The following KLHL26 variants were observed in gnomAD, a reference collection of about 807,000 sequenced individuals.
KLHL26 encodes kelch like family member 26, also known as kelch-like protein 26.
KLHL26 carries 4 observed loss-of-function variants against 7.1 expected under a neutral mutation model. The observed-to-expected ratio is 0.56, with a 90% confidence interval of 0.28 to 1.28. The LOEUF is 1.28. KLHL26 is among the 50% of genes most tolerant of loss of function. The probability of loss-of-function intolerance (pLI) is 0.11; values close to 1 mark genes in which losing one functional copy is unlikely to be tolerated. For missense variants in KLHL26, 896 were observed against 924.6 expected (o/e 0.97, Z 0.40); for synonymous variants, 465 against 414.1 (o/e 1.12, Z -1.49).
At position 18,668,992 on chromosome 19, in the gene KLHL26, A is replaced by G. The variant is rs1389497026; in HGVS notation, c.1595A>G (p.Tyr532Cys). 5.6e-6 allele frequency: 9 copies of G among 1,612,468 alleles called. No homozygotes were observed. Among genetic ancestry groups the G allele is most frequent in the African/African-American group, 1.3e-5 (1 of 74,912 alleles). The change falls in exon 3 of 3, where the codon TAT becomes TGT. Residue 532 changes from tyrosine to cysteine, a missense_variant. Physicochemically the swap from Tyr to Cys is radical, Grantham distance 194. Transcript: ENST00000300976. Reference sequence around the variant, plus strand: ...TTCGACGTGCTGGCTGTGGAGTACTATGTGCCGGAGACGGACCAGTGGACC... The same window carrying G: ...TTCGACGTGCTGGCTGTGGAGTACTGTGTGCCGGAGACGGACCAGTGGACC... Reference protein sequence around the residue: ...RCFDVLAVEYYVPETDQWTSV... With the variant: ...RCFDVLAVEYCVPETDQWTSV...
chr19:18,647,612 AAG>A (rs990002220), intron 1 of KLHL26, among the ~76,000 whole-genome samples: 1 of 150,694 alleles, frequency 6.6e-6, no homozygotes, highest in Non-Finnish European at 1.5e-5. Context: ...GGAGGAGAAA[AAG>A]AGGAGGAAGA....
intron 1 of KLHL26, among the ~76,000 whole-genome samples, chr19:18,637,539 G>A (rs1404461920): frequency 6.6e-6 from 1 of 152,108 alleles, no homozygotes; most frequent in Admixed American, 6.5e-5. Flanking sequence ...CTCTGAGGAA[G>A]GGGCTAAGGC....
chr19:18,639,830 C>T (rs1187089124), intron 1 of KLHL26, among the ~76,000 whole-genome samples: 1 of 152,076 alleles, frequency 6.6e-6, no homozygotes, highest in Non-Finnish European at 1.5e-5. Flanking sequence ...AACCCTGCTC[C>T]ACCAACATAC....
rs756317850 is a variant in KLHL26 at position 18,668,433 on chromosome 19, G to A, written c.1036G>A (p.Glu346Lys). ...AGCCCGCCACTTCCGCGAGCTCACG[G>A]AGATGGAGGTAGGCTGCAGCCACAC... is the stretch of plus-strand genomic sequence containing the variant. ...PGARHFRELT[E>K]MEVGCSHTCV... Residue 346 changes from glutamate to lysine, a missense_variant, in exon 3 of 3, where the codon GAG becomes AAG. Physicochemically the swap from Glu to Lys is moderately conservative, Grantham distance 56 (BLOSUM62 1). Coordinates refer to ENST00000300976, the MANE Select transcript of KLHL26 (RefSeq NM_018316.3). The A allele has an allele frequency of 5.0e-6, 8 of 1,611,378 alleles. No homozygotes were observed. Among genetic ancestry groups the A allele is most frequent in the Non-Finnish European group, 6.8e-6 (8 of 1,179,762 alleles).
At chr19:18,638,977 A>G (rs978936770) in intron 1 of KLHL26, among the ~76,000 whole-genome samples, 1 of 152,188 alleles carries the variant, frequency 6.6e-6, no homozygotes, top group Non-Finnish European at 1.5e-5. Flanking sequence ...CTGAGATTAC[A>G]GATGTGAGCC....
rs1476750424 is a variant in KLHL26, at chr19:18,670,690, C to T, written c.*1445C>T. The stretch of plus-strand genomic sequence containing the variant: ...AGGAAGCGTGGCCAGGACTTTCACC[C>T]TGGCGTTTTTTGTTGTTGGTTTTTT... On this transcript the variant is annotated 3_prime_UTR_variant, in exon 3 of 3. Coordinates refer to ENST00000300976, the MANE Select transcript of KLHL26 (RefSeq NM_018316.3). 1 of 152,240 alleles carries T rather than the reference C, an allele frequency of 6.6e-6. No homozygotes were observed. Among genetic ancestry groups the T allele is most frequent in the African/African-American group, 2.4e-5 (1 of 41,414 alleles). The allele number at this position is 152,240 out of a possible 1,614,324, so 9.4% of individuals were successfully genotyped here. A position where few individuals can be genotyped will look rare whatever the true frequency, so the allele number is the denominator to read the frequency against.
At chr19:18,659,008 TCTCTGCGTCCCTGTTCCC>T (rs1486733751) in intron 1 of KLHL26, among the ~76,000 whole-genome samples, 1 of 152,052 alleles carries the variant, frequency 6.6e-6, no homozygotes, top group African/African-American at 2.4e-5. Context: ...TGTCTACCTT[TCTCTGCGTCCCTGTTCCC>T]CTCTGGGTCT....
intron 1 of KLHL26, among the ~76,000 whole-genome samples, chr19:18,658,165 A>T (rs1424465793): frequency 1.3e-5 from 2 of 151,960 alleles, no homozygotes; most frequent in Non-Finnish European, 2.9e-5. Context: ...CATCTTGGAG[A>T]GGGATACTGA....
Position 18,646,348 on chromosome 19 carries a change from C to G in KLHL26, c.83+9211C>G, listed in dbSNP as rs1976800844. On this transcript the variant is annotated intron_variant, in intron 1 of 2. Coordinates refer to ENST00000300976, the MANE Select transcript of KLHL26 (RefSeq NM_018316.3). The surrounding 1 kb of genome is among the most constrained non-coding windows in gnomAD (Gnocchi z 5.0). ...TGTTGGCCAGGCTGGTCTCGAACTCCTGACCTCAGGTGATCCACCTGCCTT... is the reference window on the plus strand; with the variant it reads ...TGTTGGCCAGGCTGGTCTCGAACTCGTGACCTCAGGTGATCCACCTGCCTT... Among the ~76,000 whole-genome samples, 1 of 152,140 alleles carries G rather than the reference C, an allele frequency of 6.6e-6. No homozygotes were observed. Among genetic ancestry groups the G allele is most frequent in the African/African-American group, 2.4e-5 (1 of 41,444 alleles).
At chr19:18,643,167 G>A (rs969123447) in intron 1 of KLHL26, among the ~76,000 whole-genome samples, 14 of 151,886 alleles carry the variant, frequency 9.2e-5, no homozygotes, top group Non-Finnish European at 1.6e-4. Context: ...GTTTTGGGCC[G>A]GGCGCGGTGG....
At position 18,670,484 on chromosome 19, in the gene KLHL26, G is replaced by A. The variant is rs979121956; in HGVS notation, c.*1239G>A. ...ATATTTCCCTTTATTTAATAAAAAT[G>A]TTATGGTGAAGAGATGGAGCCGGCC... is the stretch of plus-strand genomic sequence containing the variant. On this transcript the variant is annotated 3_prime_UTR_variant, in exon 3 of 3. Coordinates refer to ENST00000300976, the MANE Select transcript of KLHL26 (RefSeq NM_018316.3). 4 of 152,280 alleles carry A rather than the reference G, an allele frequency of 2.6e-5. No homozygotes were observed. The highest frequency in any genetic ancestry group is 7.2e-5 in the African/African-American group (3 of 41,552). 9.4% of individuals were successfully genotyped at this position (152,280 alleles called of 1,614,324 possible).
rs1230393150 is a variant in KLHL26, at chr19:18,656,561, G to A, written c.84-7700G>A. 6.6e-6 allele frequency among the ~76,000 whole-genome samples: 1 copy of A among 152,174 alleles called. No homozygotes were observed. Among genetic ancestry groups the A allele is most frequent in the Non-Finnish European group, 1.5e-5 (1 of 68,034 alleles). On this transcript the variant is annotated intron_variant, in intron 1 of 2. Coordinates refer to ENST00000300976, the MANE Select transcript of KLHL26 (RefSeq NM_018316.3). This position sits in a 1 kb window ranked among gnomAD's most constrained non-coding sequence, Gnocchi z 4.4. ...CTGAAGCCAAGGACAGACAGGCAGG[G>A]AATGGCTCCAGATCAGGAGGCTGGG...
intron 1 of KLHL26, among the ~76,000 whole-genome samples, chr19:18,653,900 C>A (rs2052294069): frequency 1.1e-5 from 1 of 93,042 alleles, no homozygotes; most frequent in Non-Finnish European, 2.1e-5. Context: ...ATCAGTCCAC[C>A]CTTCCATCCA....
intron 1 of KLHL26, among the ~76,000 whole-genome samples, chr19:18,642,381 GTT>G (rs1491208702): frequency 5.2e-4 from 78 of 150,118 alleles, no homozygotes; most frequent in African/African-American, 1.8e-3. Flanking sequence ...GTGTGTGTGT[GTT>G]TGAGATGGAG....
rs1054279419 is a variant in KLHL26, at chr19:18,656,811, G to A, written c.84-7450G>A. On this transcript the variant is annotated intron_variant, in intron 1 of 2. Transcript: ENST00000300976. This position sits in a 1 kb window ranked among gnomAD's most constrained non-coding sequence, Gnocchi z 4.4. ...CACGCCTGCCCTCCCAGCACAGGGC[G>A]GGAGTGGCGGGTTCCTGTTTGAAAT... 4.6e-5 allele frequency among the ~76,000 whole-genome samples: 7 copies of A among 152,228 alleles called. No homozygotes were observed. Among genetic ancestry groups the A allele is most frequent in the East Asian group, 1.9e-4 (1 of 5,180 alleles).
At chr19:18,665,544 T>C (rs1345874696) in intron 2 of KLHL26, among the ~76,000 whole-genome samples, 1 of 152,278 alleles carries the variant, frequency 6.6e-6, no homozygotes, top group East Asian at 1.9e-4. Flanking sequence ...GCCAACACCA[T>C]GTCCTGGGCT....
Position 18,668,052 on chromosome 19 carries a change from C to G in KLHL26, c.655C>G (p.Gln219Glu). ...LVFFLQSNRL[Q>E]SCAEIDLFRA... is the part of the protein sequence containing the mutation. ...CTTCTTCCTGCAGAGCAACCGGCTG[C>G]AGAGCTGTGCCGAGATCGACCTGTT... is the stretch of plus-strand genomic sequence containing the variant. Residue 219 changes from glutamine to glutamate, a missense_variant, in exon 3 of 3, where the codon CAG becomes GAG. Physicochemically the swap from Gln to Glu is conservative, Grantham distance 29 (BLOSUM62 2). Transcript: ENST00000300976. 1 of 1,607,880 alleles carries G rather than the reference C, an allele frequency of 6.2e-7. No individual in the cohort carries two copies. Among genetic ancestry groups the G allele is most frequent in the Non-Finnish European group, 8.5e-7 (1 of 1,179,950 alleles).
At position 18,650,115 on chromosome 19, in the gene KLHL26, C is replaced by CCGAGGAT. The variant is rs1162152394; in HGVS notation, c.83+12984_83+12990dup. Among the ~76,000 whole-genome samples the CCGAGGAT allele has an allele frequency of 2.2e-4, 33 of 152,138 alleles. No individual in the cohort carries two copies. Among genetic ancestry groups the CCGAGGAT allele is most frequent in the African/African-American group, 7.7e-4 (32 of 41,418 alleles). On this transcript the variant is annotated intron_variant, in intron 1 of 2. Transcript: ENST00000300976. The surrounding 1 kb of genome is among the most constrained non-coding windows in gnomAD (Gnocchi z 4.2). ...TTGTAAAGGCCTGGAGGGGGGTCAC[C>CCGAGGAT]CGAGGATCGAGGCCGAAGATGTTTA...
Position 18,668,191 on chromosome 19 carries a change from T to C in KLHL26, c.794T>C (p.Val265Ala), listed in dbSNP as rs2052475870. ...LMQSSELVDS[V>A]QTLDIMVEDV... ...CAGTCGTCCGAGCTGGTGGACAGCG[T>C]GCAGACGCTGGACATCATGGTGGAG... The change falls in exon 3 of 3, where the codon GTG (valine) becomes GCG (alanine). Residue 265 changes from valine (V) to alanine (A), a missense_variant. Coordinates refer to ENST00000300976, the MANE Select transcript of KLHL26 (RefSeq NM_018316.3). 1.2e-6 allele frequency: 2 copies of C among 1,611,242 alleles called. No homozygotes were observed. Among genetic ancestry groups the C allele is most frequent in the Admixed American group, 3.3e-5 (2 of 59,998 alleles).
Sources: allele counts gnomAD v4.1 joint callset (sites outside exome capture counted in the v4.1 genomes callset), GRCh38; gene constraint gnomAD v4.1.1; non-coding constraint Gnocchi (gnomAD v3.1); transcripts MANE v1.5; gene names NCBI Gene and HGNC (gene_info 2026-07-23, HGNC 2026-07-21).